CUL3: variants seen among roughly 807,000 people sequenced by gnomAD.
CUL3 encodes cullin 3, also known as cullin-3.
In CUL3, 19 loss-of-function variants were observed where a neutral mutation model predicts 89.1. That is an observed-to-expected ratio of 0.21 (90% CI 0.15 to 0.31). The LOEUF is 0.31. Among genes scored for constraint, CUL3 ranks in the 10% least tolerant of loss-of-function variants. The probability of loss-of-function intolerance (pLI) is 1.00; values close to 1 mark genes in which losing one functional copy is unlikely to be tolerated. For missense variants in CUL3, 469 were observed against 942.3 expected (o/e 0.50, Z 6.58); for synonymous variants, 351 against 308.4 (o/e 1.14, Z -1.45).
intron 2 of CUL3, among the ~76,000 whole-genome samples, chr2:224,546,875 A>G (rs189045836): frequency 6.6e-6 from 1 of 151,920 alleles, no homozygotes; most frequent in South Asian, 2.1e-4. Flanking sequence ...CTCTCTAATA[A>G]TCCCTTTTCC....
intron 11 of CUL3, among the ~76,000 whole-genome samples, chr2:224,499,112 C>T (rs572150555): frequency 1.3e-5 from 2 of 152,318 alleles, no homozygotes; most frequent in Admixed American, 6.5e-5. Flanking sequence ...GTACAACCCA[C>T]GTCAAGTTTT....
chr2:224,480,869 T>C (rs1383661879), intron 14 of CUL3, among the ~76,000 whole-genome samples: 1 of 152,156 alleles, frequency 6.6e-6, no homozygotes, highest in Non-Finnish European at 1.5e-5. Context: ...TATATATTTA[T>C]GTCAAGACAT....
chr2:224,522,507 C>CA (rs1693304575), intron 3 of CUL3, among the ~76,000 whole-genome samples: 1 of 152,074 alleles, frequency 6.6e-6, no homozygotes, highest in Non-Finnish European at 1.5e-5. Flanking sequence ...GATATGGTGT[C>CA]AAAAAACCTG....
At chr2:224,490,659 T>C (rs1691934214) in intron 13 of CUL3, among the ~76,000 whole-genome samples, 2 of 150,664 alleles carry the variant, frequency 1.3e-5, no homozygotes, top group African/African-American at 2.5e-5. Context: ...GGCACAAGTA[T>C]ACCTATGTAA....
Position 224,560,020 on chromosome 2 carries a change from C to G in CUL3, c.67-2164G>C, listed in dbSNP as rs1306777996. On this transcript the variant is annotated intron_variant, in intron 1 of 15. Transcript: ENST00000264414. ...ATCGCTTGAGCCCGGGAGGTCGAGG[C>G]TGCAGTGAGTGGAGACTGCGCCACT... is the stretch of plus-strand genomic sequence containing the variant. Among the ~76,000 whole-genome samples, 10 of 152,218 alleles carry G rather than the reference C, an allele frequency of 6.6e-5. 1 individual carries two copies. The East Asian group carries it at 1.7e-3, about 26-fold the overall frequency.
intron 13 of CUL3, among the ~76,000 whole-genome samples, chr2:224,482,690 A>T (rs1240231203): frequency 6.6e-6 from 1 of 152,192 alleles, no homozygotes; most frequent in East Asian, 1.9e-4. Context: ...TAATGATGTG[A>T]ATGGTATGAA....
chr2:224,505,728 G>C (rs1692574179), intron 8 of CUL3: 1 of 250,592 alleles, frequency 4.0e-6, no homozygotes, highest in African/African-American at 2.2e-5. Context: ...GAGCCACCAA[G>C]CCCATCCAGT....
In CUL3 at chr2:224,584,973, C is replaced by T. The variant is rs2969802; in HGVS notation, c.37G>A (p.Asp13Asn). The T allele has an allele frequency of 6.6e-7, 1 of 1,507,612 alleles. No homozygotes were observed. 93.4% of individuals were successfully genotyped at this position (1,507,612 alleles called of 1,614,324 possible). ...AAGGCCCGGATCCGCATCTTGGTGTCCTTCCGGCTGCCCGTGCCTTTGCTC... is the reference window on the plus strand; with the variant it reads ...AAGGCCCGGATCCGCATCTTGGTGTTCTTCCGGCTGCCCGTGCCTTTGCTC... ...NLSKGTGSRK[D>N]TKMRIRAFPM... is the part of the protein sequence containing the mutation. The change falls in exon 1 of 16, where the codon GAC becomes AAC. Residue 13 changes from aspartate (D) to asparagine (N), a missense_variant. This residue lies in a region of CUL3 where 32 missense variants were observed against 29.7 expected (regional missense o/e 1.08). Coordinates refer to ENST00000264414, the MANE Select transcript of CUL3 (RefSeq NM_003590.5).
chr2:224,563,860 A>G (rs1017678296), intron 1 of CUL3, among the ~76,000 whole-genome samples: 1 of 152,198 alleles, frequency 6.6e-6, no homozygotes, highest in Admixed American at 6.5e-5. Flanking sequence ...CCAAACCACA[A>G]AAGTAGTGAT....
chr2:224,555,557 T>G (rs1001599198), intron 2 of CUL3, among the ~76,000 whole-genome samples: 3 of 152,174 alleles, frequency 2.0e-5, no homozygotes, highest in Non-Finnish European at 4.4e-5. Flanking sequence ...AATTACTTAG[T>G]CTGGCACCCA....
At chr2:224,507,323 C>T (rs1692639840) in intron 6 of CUL3, among the ~76,000 whole-genome samples, 1 of 152,092 alleles carries the variant, frequency 6.6e-6, no homozygotes, top group Non-Finnish European at 1.5e-5. Flanking sequence ...AACATGGCAA[C>T]TGCAGTTTTG....
intron 1 of CUL3, among the ~76,000 whole-genome samples, chr2:224,580,588 A>G (rs1041984407): frequency 2.6e-5 from 4 of 152,108 alleles, no homozygotes; most frequent in Admixed American, 6.5e-5. Context: ...GGAGACTGAG[A>G]CACAAGAATC....
At position 224,585,163 on chromosome 2, in the gene CUL3, G is replaced by A. The variant is rs1695551963; in HGVS notation, c.-154C>T. ...GGAGCTGGCCGGCCCCTGGGCAGCC[G>A]CGGCGGCGGCGGGGGCGGCGGCGGC... On this transcript the variant is annotated 5_prime_UTR_variant, in exon 1 of 16. Transcript: ENST00000264414. The A allele has an allele frequency of 1.3e-5, 4 of 304,050 alleles. No individual in the cohort carries two copies. The highest frequency in any genetic ancestry group is 2.0e-5 in the Non-Finnish European group (4 of 202,942). The allele number at this position is 304,050 out of a possible 1,614,324, so 18.8% of individuals were successfully genotyped here.
intron 3 of CUL3, among the ~76,000 whole-genome samples, chr2:224,526,684 A>AAT (rs1331470028): frequency 6.6e-6 from 1 of 151,886 alleles, no homozygotes; most frequent in Admixed American, 6.6e-5. Flanking sequence ...GTAAACACTG[A>AAT]ATACTTGCCT....
At chr2:224,559,163 T>C (rs1451657185) in intron 1 of CUL3, among the ~76,000 whole-genome samples, 1 of 152,136 alleles carries the variant, frequency 6.6e-6, no homozygotes, top group Non-Finnish European at 1.5e-5. Flanking sequence ...ACTGTCAGTT[T>C]CACCACATGG....
chr2:224,582,810 A>G (rs921256334), intron 1 of CUL3, among the ~76,000 whole-genome samples: 1 of 152,234 alleles, frequency 6.6e-6, no homozygotes, highest in Non-Finnish European at 1.5e-5. Context: ...CTTTCTAGCT[A>G]TACTGACAGA....
At chr2:224,496,332 T>C (rs1163041677) in intron 12 of CUL3, among the ~76,000 whole-genome samples, 2 of 152,192 alleles carry the variant, frequency 1.3e-5, no homozygotes, top group Non-Finnish European at 2.9e-5. Context: ...GCCTGACCAA[T>C]TTTCTGGTAA....
At chr2:224,563,383 T>G (rs1454405896) in intron 1 of CUL3, 1 of 401,104 alleles carries the variant, frequency 2.5e-6, no homozygotes, top group Admixed American at 3.5e-5. Flanking sequence ...TGCAGGGTTC[T>G]AAAACTTAAG....
chr2:224,577,628 ACT>A (rs1211210128), intron 1 of CUL3, among the ~76,000 whole-genome samples: 1 of 151,290 alleles, frequency 6.6e-6, no homozygotes, highest in East Asian at 1.9e-4. Flanking sequence ...TCAAGCCCAC[ACT>A]CTTAACTACT....
Sources: allele counts gnomAD v4.1 joint callset (sites outside exome capture counted in the v4.1 genomes callset), GRCh38; gene constraint gnomAD v4.1.1; regional missense constraint gnomAD v4.1.1; transcripts MANE v1.5; gene names NCBI Gene and HGNC (gene_info 2026-07-23, HGNC 2026-07-21).